L3MBTL3: variants seen among roughly 807,000 people sequenced by gnomAD.
The protein encoded by L3MBTL3 is lethal(3)malignant brain tumor-like protein 3.
A neutral mutation model predicts 102.3 loss-of-function variants in L3MBTL3; 27 were observed. That is an observed-to-expected ratio of 0.26 (90% CI 0.19 to 0.36). The LOEUF is 0.36. Ranked by LOEUF, L3MBTL3 falls within the 10% of genes least tolerant of loss-of-function variation. The probability of loss-of-function intolerance (pLI) is 1.00; values close to 1 mark genes in which losing one functional copy is unlikely to be tolerated. For missense variants in L3MBTL3, 798 were observed against 955.3 expected, an observed-to-expected ratio of 0.84 and a Z score of 2.17; for synonymous variants, 340 against 320.9, an observed-to-expected ratio of 1.06 and a Z score of -0.64.
intron 2 of L3MBTL3, among the ~76,000 whole-genome samples, chr6:130,027,142 ATC>A (rs1779406236): frequency 6.6e-6 from 1 of 152,172 alleles, no homozygotes; most frequent in Admixed American, 6.5e-5. Flanking sequence ...TGGGAATTAT[ATC>A]TCTCTGTTAT....
chr6:130,091,883 T>G (rs1029931775), intron 16 of L3MBTL3, among the ~76,000 whole-genome samples: 9 of 150,748 alleles, frequency 6.0e-5, no homozygotes, highest in Admixed American at 1.3e-4. Flanking sequence ...GGGCATAAAG[T>G]GGGGGTGATT....
At chr6:130,069,167 G>T (rs1782467217) in intron 12 of L3MBTL3, among the ~76,000 whole-genome samples, 1 of 152,162 alleles carries the variant, frequency 6.6e-6, no homozygotes, top group Non-Finnish European at 1.5e-5. Context: ...CTAGACCCTT[G>T]AGGAGCAGAG....
intron 16 of L3MBTL3, among the ~76,000 whole-genome samples, chr6:130,089,954 C>T (rs78969762): frequency 0.02 from 3,017 of 152,152 alleles, 108 homozygotes; most frequent in African/African-American, 0.07. Context: ...TACTCAGCAG[C>T]CACCTATTCC....
chr6:130,060,126 C>T lies in L3MBTL3; in HGVS notation c.850C>T (p.Leu284Phe). The T allele has an allele frequency of 6.3e-7, 1 of 1,599,214 alleles. No individual in the cohort carries two copies. Among genetic ancestry groups the T allele is most frequent in the Non-Finnish European group, 8.5e-7 (1 of 1,170,630 alleles). ...TGAGCATCAGTCTGTGTACTGTGTC[C>T]TCACCGTCGCGGAGGTAAGCTTTGC... ...DPEHQSVYCV[L>F]TVAEVCGYRI... The change falls in exon 10 of 23, where the codon CTC (leucine) becomes TTC (phenylalanine). Residue 284 changes from leucine to phenylalanine, a missense_variant. By Grantham distance (22) the Leu-to-Phe change is conservative (BLOSUM62 0). Transcript: ENST00000361794.
chr6:130,108,785 T>C (rs1343349721), intron 19 of L3MBTL3, among the ~76,000 whole-genome samples: 1 of 152,114 alleles, frequency 6.6e-6, no homozygotes, highest in Non-Finnish European at 1.5e-5. Flanking sequence ...TTGCTGCACC[T>C]ATCAACCTAT....
At chr6:130,103,743 A>G (rs1784833053) in intron 18 of L3MBTL3, among the ~76,000 whole-genome samples, 1 of 152,212 alleles carries the variant, frequency 6.6e-6, no homozygotes, top group Admixed American at 6.5e-5. Flanking sequence ...AGTGACCTCA[A>G]TTTCCTTTCA....
intron 17 of L3MBTL3, among the ~76,000 whole-genome samples, chr6:130,093,478 G>A (rs1030147100): frequency 1.3e-5 from 2 of 152,056 alleles, no homozygotes; most frequent in Admixed American, 1.3e-4. Flanking sequence ...TTCACTTCTG[G>A]ATGCTACATA....
rs1490892339 is a variant in L3MBTL3 at position 130,083,677 on chromosome 6, T to C, written c.1379T>C (p.Leu460Ser). 4.5e-6 allele frequency: 7 copies of C among 1,548,624 alleles called. 1 individual carries two copies. The highest frequency in any genetic ancestry group is 3.6e-5 in the South Asian group (3 of 83,574). ...WDKYLEETNS[L>S]PAPARAFKVK... ...AAATACTTAGAAGAAACCAATTCTT[T>C]ACCTGCTCCTGCAAGAGCTTTCAAA... is the stretch of plus-strand genomic sequence containing the variant. Residue 460 changes from leucine (L) to serine (S), a missense_variant, in exon 15 of 23, where the codon TTA (leucine) becomes TCA (serine). Around this residue, in one of 4 missense-constraint regions of L3MBTL3, gnomAD observed 306 missense variants for 314.4 expected, o/e 0.97. Transcript: ENST00000361794.
At chr6:130,019,659 G>A (rs1040556524) in intron 1 of L3MBTL3, among the ~76,000 whole-genome samples, 1 of 151,382 alleles carries the variant, frequency 6.6e-6, no homozygotes, top group Non-Finnish European at 1.5e-5. Context: ...CCGCGGCGGG[G>A]CTCGGCGGCC....
intron 10 of L3MBTL3, among the ~76,000 whole-genome samples, chr6:130,061,502 G>A (rs142402595): frequency 6.6e-6 from 1 of 152,314 alleles, no homozygotes; most frequent in African/African-American, 2.4e-5. Context: ...TTGTAATAAT[G>A]TAATAAGTAG....
At chr6:130,097,190 A>G (rs1257321430) in intron 18 of L3MBTL3, among the ~76,000 whole-genome samples, 1 of 152,124 alleles carries the variant, frequency 6.6e-6, no homozygotes, top group Non-Finnish European at 1.5e-5. Context: ...CCTGTTTTCC[A>G]TTTCATTAGT....
At chr6:130,091,075 T>C (rs893837129) in intron 16 of L3MBTL3, among the ~76,000 whole-genome samples, 1 of 152,194 alleles carries the variant, frequency 6.6e-6, no homozygotes, top group Non-Finnish European at 1.5e-5. Flanking sequence ...GGGTTTCTTG[T>C]AGGTCTTTCA....
chr6:130,093,206 A>G (rs1784165688), intron 17 of L3MBTL3, among the ~76,000 whole-genome samples: 1 of 152,166 alleles, frequency 6.6e-6, no homozygotes, highest in Non-Finnish European at 1.5e-5. Flanking sequence ...TAGCTTTGCA[A>G]AACGTTAACA....
At chr6:130,066,800 T>C (rs759485898) in intron 11 of L3MBTL3, among the ~76,000 whole-genome samples, 7 of 152,154 alleles carry the variant, frequency 4.6e-5, no homozygotes, top group Admixed American at 4.6e-4. Flanking sequence ...AAAACTGATT[T>C]GAAAAATTAG....
chr6:130,019,836 C>T (rs1414079597), intron 1 of L3MBTL3, among the ~76,000 whole-genome samples: 2 of 147,086 alleles, frequency 1.4e-5, no homozygotes, highest in African/African-American at 4.9e-5. Flanking sequence ...CGAGGCGGCG[C>T]GGGCCCGCGG....
chr6:130,079,858 C>T (rs139474877), intron 14 of L3MBTL3, among the ~76,000 whole-genome samples: 32 of 152,296 alleles, frequency 2.1e-4, no homozygotes, highest in African/African-American at 7.2e-4. Context: ...TATCCACTCC[C>T]TGAGTTTTCT....
At chr6:130,075,669 A>G (rs1254171362) in intron 13 of L3MBTL3, among the ~76,000 whole-genome samples, 2 of 152,156 alleles carry the variant, frequency 1.3e-5, no homozygotes, top group Non-Finnish European at 2.9e-5. Flanking sequence ...ACTTCTAAGG[A>G]GGGTTCCCTG....
intron 3 of L3MBTL3, among the ~76,000 whole-genome samples, chr6:130,047,617 G>A (rs1321760899): frequency 6.6e-6 from 1 of 152,198 alleles, no homozygotes; most frequent in Non-Finnish European, 1.5e-5. Context: ...AGTGACATAT[G>A]ATAAAAGTAA....
chr6:130,019,997 C>T lies in L3MBTL3; in HGVS notation c.-95+1333C>T, dbSNP rs1217239957. Reference sequence around the variant, plus strand: ...CGGGAGGCGGCGGCGGCGGTCGCGGCGGCGGCGGCCGCGCCGGGGCGGCGG... The same window carrying T: ...CGGGAGGCGGCGGCGGCGGTCGCGGTGGCGGCGGCCGCGCCGGGGCGGCGG... On this transcript the variant is annotated intron_variant, in intron 1 of 22. Transcript: ENST00000361794. Among the ~76,000 whole-genome samples the T allele has an allele frequency of 2.8e-3, 249 of 88,040 alleles. 3 individuals carry two copies. The highest frequency in any genetic ancestry group is 0.015 in the Middle Eastern group (3 of 198). 57.8% of individuals were successfully genotyped at this position (88,040 alleles called of 152,430 possible). A position where few individuals can be genotyped will look rare whatever the true frequency, so the allele number is the denominator to read the frequency against.
Sources: gnomAD v4.1 joint callset for allele counts (sites outside exome capture counted in the v4.1 genomes callset) on GRCh38, gnomAD v4.1.1 for gene constraint, gnomAD v4.1.1 regional missense constraint, MANE v1.5 for transcripts, NCBI Gene and HGNC (gene_info 2026-07-23, HGNC 2026-07-21) for gene names.